The following TFEB variants were observed in gnomAD, a reference collection of about 807,000 sequenced individuals.
The protein encoded by TFEB is T-cell transcription factor EB.
Under a neutral mutation model 48.0 loss-of-function variants are expected in TFEB, and 12 were observed. The ratio of observed to expected loss-of-function variants is 0.25; its 90% CI spans 0.16 to 0.40. TFEB has a LOEUF of 0.40. Ranked by LOEUF, TFEB falls within the 10% of genes least tolerant of loss-of-function variation. The pLI, the probability that TFEB is intolerant of heterozygous loss-of-function variation, is 1.00. For missense variants in TFEB, 509 were observed against 640.3 expected (o/e 0.79, Z 2.21); for synonymous variants, 244 against 261.4 (o/e 0.93, Z 0.64).
At chr6:41,715,649 G>A (rs1011768329) in intron 1 of TFEB, among the ~76,000 whole-genome samples, 22 of 150,920 alleles carry the variant, frequency 1.5e-4, no homozygotes, top group African/African-American at 4.6e-4. Context: ...CAGCCTGGGC[G>A]ACAGAGCGAG....
intron 1 of TFEB, among the ~76,000 whole-genome samples, chr6:41,721,335 C>T (rs1171607511): frequency 6.6e-6 from 1 of 151,614 alleles, no homozygotes; most frequent in Non-Finnish European, 1.5e-5. Context: ...GACCATGGCT[C>T]ACAGAAAAAT....
At chr6:41,692,336 T>C (rs1769359148) in intron 1 of TFEB, among the ~76,000 whole-genome samples, 1 of 152,212 alleles carries the variant, frequency 6.6e-6, no homozygotes, top group African/African-American at 2.4e-5. Flanking sequence ...TGTATCTTAT[T>C]TGTGAGCCAG....
intron 1 of TFEB, among the ~76,000 whole-genome samples, chr6:41,701,155 AC>A (rs939986642): frequency 1.8e-4 from 27 of 152,302 alleles, no homozygotes; most frequent in Middle Eastern, 6.8e-3. Context: ...ACACATGCAC[AC>A]ATGTCCATGT....
chr6:41,734,327 T>C lies in TFEB; in HGVS notation c.-23+1023A>G. 1.0e-6 allele frequency: 1 copy of C among 983,414 alleles called. No individual in the cohort carries two copies. The highest frequency in any genetic ancestry group is 1.2e-6 in the Non-Finnish European group (1 of 828,880). The allele number at this position is 983,414 out of a possible 1,614,324, so 60.9% of individuals were successfully genotyped here. On this transcript the variant is annotated intron_variant, in intron 1 of 8. Coordinates refer to ENST00000373033, the MANE Select transcript of TFEB (RefSeq NM_001271944.2). This position sits in a 1 kb window ranked among gnomAD's most constrained non-coding sequence, Gnocchi z 4.0. ...CCCTTCCTCACCCGGGGCGCGGGGC[T>C]GGGGCGCGCCAGGCGGCTGCGGCGC...
At chr6:41,689,081 AC>A (rs1338277287) in intron 4 of TFEB, among the ~76,000 whole-genome samples, 4 of 152,012 alleles carry the variant, frequency 2.6e-5, no homozygotes, top group Non-Finnish European at 5.9e-5. Context: ...AGAGAGCATC[AC>A]CCCCATTTTG....
At position 41,684,330 on chromosome 6, in the gene TFEB, C is replaced by T. The variant is rs1318785569; in HGVS notation, c.*269G>A. 3.7e-5 allele frequency: 14 copies of T among 377,648 alleles called. No individual in the cohort carries two copies. The highest frequency in any genetic ancestry group is 9.4e-6 in the Non-Finnish European group (2 of 212,386). 23.4% of individuals were successfully genotyped at this position (377,648 alleles called of 1,614,324 possible). A position where few individuals can be genotyped will look rare whatever the true frequency, so the allele number is the denominator to read the frequency against. Reference sequence around the variant, plus strand: ...CTCTTCTCACCTCTAGAACACCCTGCCCCTCCCTGCCCCGCGATTCCATCT... The same window carrying T: ...CTCTTCTCACCTCTAGAACACCCTGTCCCTCCCTGCCCCGCGATTCCATCT... On this transcript the variant is annotated 3_prime_UTR_variant, in exon 9 of 9. Coordinates refer to ENST00000373033, the MANE Select transcript of TFEB (RefSeq NM_001271944.2).
At chr6:41,732,240 C>G (rs1011604211) in intron 1 of TFEB, among the ~76,000 whole-genome samples, 1 of 152,040 alleles carries the variant, frequency 6.6e-6, no homozygotes, top group African/African-American at 2.4e-5. Flanking sequence ...CTGGGAAACC[C>G]CTTGAAGAAG....
chr6:41,724,128 G>A lies in TFEB; in HGVS notation c.-23+11222C>T, dbSNP rs1053194297. Among the ~76,000 whole-genome samples the A allele has an allele frequency of 2.0e-4, 31 of 152,126 alleles. No homozygotes were observed. Among genetic ancestry groups the A allele is most frequent in the Admixed American group, 7.2e-4 (11 of 15,282 alleles). ...CAGCTCCGGGAAGATCCACACCACC[G>A]CACACTTTTCACTTGTGCAGAAACT... On this transcript the variant is annotated intron_variant, in intron 1 of 8. Coordinates refer to ENST00000373033, the MANE Select transcript of TFEB (RefSeq NM_001271944.2). The surrounding 1 kb of genome is among the most constrained non-coding windows in gnomAD (Gnocchi z 4.4).
chr6:41,701,379 C>G (rs1769913256), intron 1 of TFEB, among the ~76,000 whole-genome samples: 2 of 152,244 alleles, frequency 1.3e-5, no homozygotes, highest in African/African-American at 4.8e-5. Context: ...ACCTACCAGT[C>G]TCCTCAGCTA....
intron 1 of TFEB, chr6:41,735,137 C>A: frequency 2.1e-6 from 2 of 963,224 alleles, no homozygotes; most frequent in Non-Finnish European, 2.5e-6. Flanking sequence ...AGGGGGCTCC[C>A]GGCTCGGCGG....
rs1768900660 is a variant in TFEB, at chr6:41,684,771, C to G, written c.1259G>C (p.Gly420Ala). The change falls in exon 9 of 9, where the codon GGG becomes GCG. Residue 420 changes from glycine (G) to alanine (A), a missense_variant. Around this residue, in one of 4 missense-constraint regions of TFEB, gnomAD observed 168 missense variants for 161.0 expected, o/e 1.04. Coordinates refer to ENST00000373033, the MANE Select transcript of TFEB (RefSeq NM_001271944.2). Reference protein sequence around the residue: ...PPGYPEPLAPGHGSPFPSLSK... With the variant: ...PPGYPEPLAPAHGSPFPSLSK... ...CAGGCTGGGGAATGGGGAGCCATGCCCCGGCGCCAGGGGTTCGGGGTAGCC... is the reference window on the plus strand; with the variant it reads ...CAGGCTGGGGAATGGGGAGCCATGCGCCGGCGCCAGGGGTTCGGGGTAGCC... The G allele has an allele frequency of 3.7e-6, 6 of 1,612,054 alleles. No individual in the cohort carries two copies. The highest frequency in any genetic ancestry group is 5.1e-6 in the Non-Finnish European group (6 of 1,179,212).
rs762251731 is a variant in TFEB at position 41,689,696 on chromosome 6, C to T, written c.549+35G>A. 5.7e-6 allele frequency: 9 copies of T among 1,573,532 alleles called. No homozygotes were observed. The South Asian group carries it at 6.7e-5, about 12-fold the overall frequency. ...ACAGTGGGTGCCCCCCTCCCTAGAA[C>T]CCTTGCACACCCACCCCACCCTAGC... On this transcript the variant is annotated intron_variant, in intron 4 of 8. Transcript: ENST00000373033.
Position 41,686,498 on chromosome 6 carries a change from G to GCCTAC in TFEB, c.804-266_804-262dup, listed in dbSNP as rs780720222. 255 of 313,480 alleles carry GCCTAC rather than the reference G, an allele frequency of 8.1e-4. 2 individuals are homozygous for GCCTAC. Among genetic ancestry groups the GCCTAC allele is most frequent in the Non-Finnish European group, 9.3e-4 (162 of 174,824 alleles). The allele number at this position is 313,480 out of a possible 1,614,324, so 19.4% of individuals were successfully genotyped here. ...CCCAGACTACCAAGACTCCAGCCCAGCCTACCTTTCTTTTTTTTTTTTTTT... is the reference window on the plus strand; with the variant it reads ...CCCAGACTACCAAGACTCCAGCCCAGCCTACCCTACCTTTCTTTTTTTTTTTTTTT... On this transcript the variant is annotated intron_variant, in intron 7 of 8. Transcript: ENST00000373033.
chr6:41,722,369 G>A (rs2127266314), intron 1 of TFEB, among the ~76,000 whole-genome samples: 1 of 152,312 alleles, frequency 6.6e-6, no homozygotes, highest in Admixed American at 6.5e-5. Context: ...AGGGCTCCCT[G>A]GCCAGAGCCC....
chr6:41,721,311 G>A (rs774991269), intron 1 of TFEB, among the ~76,000 whole-genome samples: 1 of 151,644 alleles, frequency 6.6e-6, no homozygotes, highest in Non-Finnish European at 1.5e-5. Context: ...TAATGCAGTG[G>A]CACCAAAGTT....
intron 1 of TFEB, among the ~76,000 whole-genome samples, chr6:41,712,633 C>G (rs1770533265): frequency 6.6e-6 from 1 of 152,214 alleles, no homozygotes; most frequent in Admixed American, 6.5e-5. Context: ...ACCAGGGGCC[C>G]AAGGGCTCAA....
Position 41,687,176 on chromosome 6 carries a change from G to A in TFEB, c.728-7C>T, listed in dbSNP as rs1769052942. 1 of 1,613,988 alleles carries A rather than the reference G, an allele frequency of 6.2e-7. No homozygotes were observed. Among genetic ancestry groups the A allele is most frequent in the Non-Finnish European group, 8.5e-7 (1 of 1,180,008 alleles). On this transcript the variant is annotated splice_polypyrimidine_tract_variant and splice_region_variant and intron_variant, in intron 6 of 8. Transcript: ENST00000373033. ...AACCTTCGTCTCCTTTCAACTAAAG[G>A]TAACAGATTCCAGAAGGAGCAATTA...
intron 1 of TFEB, among the ~76,000 whole-genome samples, chr6:41,692,459 C>G (rs542776587): frequency 1.5e-3 from 231 of 152,322 alleles, no homozygotes; most frequent in African/African-American, 5.4e-3. Context: ...CTTCCAGGCA[C>G]CTGGCACTGC....
At chr6:41,689,282 C>T (rs1325858571) in intron 4 of TFEB, among the ~76,000 whole-genome samples, 2 of 152,134 alleles carry the variant, frequency 1.3e-5, no homozygotes, top group Non-Finnish European at 2.9e-5. Flanking sequence ...AGATCACTTG[C>T]CCCATGGAGT....
Sources: gnomAD v4.1 joint callset for allele counts (sites outside exome capture counted in the v4.1 genomes callset) on GRCh38, gnomAD v4.1.1 for gene constraint, gnomAD v4.1.1 regional missense constraint, Gnocchi (gnomAD v3.1) non-coding constraint, MANE v1.5 for transcripts, NCBI Gene and HGNC (gene_info 2026-07-23, HGNC 2026-07-21) for gene names.